ROBO1: variants seen among roughly 807,000 people sequenced by gnomAD.
ROBO1 encodes roundabout homolog 1.
Under a neutral mutation model 195.9 loss-of-function variants are expected in ROBO1, and 149 were observed. That is an observed-to-expected ratio of 0.76 (90% CI 0.67 to 0.87). The LOEUF is 0.87. Ranked by LOEUF, ROBO1 falls within the 40% of genes least tolerant of loss-of-function variation. The probability of loss-of-function intolerance (pLI) is 0.00; values close to 1 mark genes in which losing one functional copy is unlikely to be tolerated. For missense variants in ROBO1, 1,933 were observed against 2,068.3 expected (o/e 0.93, Z 1.27); for synonymous variants, 816 against 733.2 (o/e 1.11, Z -1.82).
chr3:79,055,650 T>C (rs143427678), intron 3 of ROBO1, among the ~76,000 whole-genome samples: 3 of 152,044 alleles, frequency 2.0e-5, no homozygotes, highest in Non-Finnish European at 4.4e-5. Context: ...CACATAACTC[T>C]TATAGTGCTC....
intron 1 of ROBO1, among the ~76,000 whole-genome samples, chr3:79,658,790 A>C (rs1946244422): frequency 6.7e-6 from 1 of 149,724 alleles, no homozygotes; most frequent in Admixed American, 6.7e-5. Context: ...TTTTTCTGAG[A>C]TGGAGTCTCG....
chr3:79,180,197 C>G (rs965694713), intron 2 of ROBO1, among the ~76,000 whole-genome samples: 3 of 152,132 alleles, frequency 2.0e-5, no homozygotes, highest in Non-Finnish European at 2.9e-5. Context: ...CATACAAGGT[C>G]GTTGTATCTG....
chr3:78,962,131 T>G (rs954456708), intron 3 of ROBO1, among the ~76,000 whole-genome samples: 2 of 152,076 alleles, frequency 1.3e-5, no homozygotes, highest in Non-Finnish European at 2.9e-5. Context: ...TAATCCCCTC[T>G]CACTAGAACC....
Position 78,816,759 on chromosome 3 carries a change from G to A in ROBO1, c.500-69859C>T, listed in dbSNP as rs553433486. Among the ~76,000 whole-genome samples, 3 of 152,276 alleles carry A rather than the reference G, an allele frequency of 2.0e-5. No homozygotes were observed. In the South Asian group the frequency reaches 6.2e-4, roughly 32 times the overall value. On this transcript the variant is annotated intron_variant, in intron 4 of 30. Transcript: ENST00000464233. Reference sequence around the variant, plus strand: ...CAAGAGAAGTAGAATTACAAGTGGAGCCTGATGATGCGACTGAATTGCTGC... The same window carrying A: ...CAAGAGAAGTAGAATTACAAGTGGAACCTGATGATGCGACTGAATTGCTGC...
intron 3 of ROBO1, among the ~76,000 whole-genome samples, chr3:78,941,157 A>T (rs72906151): frequency 6.6e-6 from 1 of 152,306 alleles, no homozygotes; most frequent in Non-Finnish European, 1.5e-5. Flanking sequence ...CAAAAATTAT[A>T]ATTTGAAATG....
chr3:78,613,002 T>C (rs971544786), intron 28 of ROBO1, among the ~76,000 whole-genome samples: 5 of 152,214 alleles, frequency 3.3e-5, no homozygotes, highest in African/African-American at 1.2e-4. Context: ...CAGGGATTAG[T>C]TAGAATTATA....
chr3:79,129,113 C>A (rs1459304252), intron 2 of ROBO1, among the ~76,000 whole-genome samples: 2 of 152,154 alleles, frequency 1.3e-5, no homozygotes, highest in Admixed American at 6.6e-5. Flanking sequence ...CATGTAAATT[C>A]AAAGAAGCTT....
chr3:79,621,612 G>C (rs74531658), intron 1 of ROBO1, among the ~76,000 whole-genome samples: 1 of 152,126 alleles, frequency 6.6e-6, no homozygotes, highest in African/African-American at 2.4e-5. Flanking sequence ...TTTATTTTCA[G>C]TCTTTTTCTA....
At chr3:79,560,487 G>GTTA (rs1460128946) in intron 2 of ROBO1, among the ~76,000 whole-genome samples, 1 of 145,412 alleles carries the variant, frequency 6.9e-6, no homozygotes, top group Non-Finnish European at 1.5e-5. Flanking sequence ...ACATATGTTA[G>GTTA]TTACATTGTG....
intron 2 of ROBO1, among the ~76,000 whole-genome samples, chr3:79,374,185 T>C (rs2109348243): frequency 6.6e-6 from 1 of 152,292 alleles, no homozygotes; most frequent in East Asian, 1.9e-4. Flanking sequence ...GTATAGAGGC[T>C]GGTGTTTCAG....
At position 79,021,651 on chromosome 3, in the gene ROBO1, A is replaced by ATTT. The variant is rs71127372; in HGVS notation, c.173-82727_173-82725dup. Among the ~76,000 whole-genome samples the ATTT allele has an allele frequency of 4.8e-3, 371 of 76,880 alleles. 10 individuals carry two copies. Among genetic ancestry groups the ATTT allele is most frequent in the African/African-American group, 0.02 (358 of 18,202 alleles). The allele number at this position is 76,880 out of a possible 152,430, so 50.4% of individuals were successfully genotyped here. On this transcript the variant is annotated intron_variant, in intron 3 of 30. Coordinates refer to ENST00000464233, the MANE Select transcript of ROBO1 (RefSeq NM_002941.4). ...CCCCTCTCTTCCACTCCTAGAGATG[A>ATTT]TTTTTTTTTTTTTTTTTTTTTTTTT...
intron 2 of ROBO1, among the ~76,000 whole-genome samples, chr3:79,391,288 A>G (rs2036939153): frequency 6.6e-6 from 1 of 152,056 alleles, no homozygotes; most frequent in African/African-American, 2.4e-5. Context: ...CTGAGACTCC[A>G]TCTCAAATAA....
chr3:79,044,786 T>C (rs1458905871), intron 3 of ROBO1, among the ~76,000 whole-genome samples: 2 of 151,678 alleles, frequency 1.3e-5, no homozygotes, highest in Non-Finnish European at 2.9e-5. Flanking sequence ...TGACATTTTC[T>C]TTTTTTAAAA....
intron 8 of ROBO1, among the ~76,000 whole-genome samples, chr3:78,709,840 T>C (rs1304935068): frequency 1.3e-5 from 2 of 152,176 alleles, no homozygotes; most frequent in South Asian, 2.1e-4. Context: ...CTCTTAGAGA[T>C]AACGGAATGG....
chr3:78,608,006 A>C (rs1440302934), intron 28 of ROBO1, among the ~76,000 whole-genome samples: 1 of 131,834 alleles, frequency 7.6e-6, no homozygotes, highest in Non-Finnish European at 1.6e-5. Flanking sequence ...GTATAAATAT[A>C]TGTTAATTTC....
At chr3:78,608,288 T>C in intron 28 of ROBO1, among the ~76,000 whole-genome samples, 1 of 152,034 alleles carries the variant, frequency 6.6e-6, no homozygotes, top group East Asian at 1.9e-4. Context: ...GTAGTTTTTG[T>C]AGAGACAGGG....
chr3:78,938,006 T>TGTGA (rs1306728772), intron 4 of ROBO1: 6,651 of 151,036 alleles, frequency 0.044, 452 homozygotes, highest in African/African-American at 0.15. Flanking sequence ...TGTGTGTGTG[T>TGTGA]GTGTGTGTGT....
intron 2 of ROBO1, among the ~76,000 whole-genome samples, chr3:79,176,042 GCCAA>G (rs2081257168): frequency 6.6e-6 from 1 of 152,154 alleles, no homozygotes; most frequent in African/African-American, 2.4e-5. Context: ...TGGGGGTGGG[GCCAA>G]TCTGGTTTAT....
At chr3:79,180,710 A>C (rs1243094998) in intron 2 of ROBO1, among the ~76,000 whole-genome samples, 1 of 152,218 alleles carries the variant, frequency 6.6e-6, no homozygotes, top group East Asian at 1.9e-4. Flanking sequence ...TATGATTATA[A>C]GTGTAGACAA....
Sources: allele counts gnomAD v4.1 joint callset (sites outside exome capture counted in the v4.1 genomes callset), GRCh38; gene constraint gnomAD v4.1.1; transcripts MANE v1.5; gene names NCBI Gene and HGNC (gene_info 2026-07-23, HGNC 2026-07-21).